The following CRYBG1 variants were observed in gnomAD, a reference collection of about 807,000 sequenced individuals.
The protein encoded by CRYBG1 is beta/gamma crystallin domain-containing protein 1.
A neutral mutation model predicts 189.2 loss-of-function variants in CRYBG1; 139 were observed. The ratio of observed to expected loss-of-function variants is 0.73; its 90% confidence interval spans 0.64 to 0.85. The LOEUF (loss-of-function observed/expected upper bound fraction) is 0.85. CRYBG1 is among the 40% of genes least tolerant of loss of function. The pLI is 0.00. For missense variants in CRYBG1, 2,611 were observed against 2,675.8 expected, an observed-to-expected ratio of 0.98 and a Z score of 0.53; for synonymous variants, 1,023 against 1,017.1, an observed-to-expected ratio of 1.01 and a Z score of -0.11.
In CRYBG1 at chr6:106,511,518, G is replaced by C; in HGVS notation, c.401G>C (p.Ser134Thr). 6.5e-7 allele frequency: 1 copy of C among 1,535,684 alleles called. No individual in the cohort carries two copies. Among genetic ancestry groups the C allele is most frequent in the Non-Finnish European group, 8.7e-7 (1 of 1,146,544 alleles). ...TTCACTGCAGGAAGGAGAAGAAACAGTAGAAACGGGTTAGAGAGTCCCACC... is the reference window on the plus strand; with the variant it reads ...TTCACTGCAGGAAGGAGAAGAAACACTAGAAACGGGTTAGAGAGTCCCACC... ...TLFTAGRRRN[S>T]RNGLESPTRS... The change falls in exon 3 of 22, where the codon AGT becomes ACT. Residue 134 changes from serine (S) to threonine (T), a missense_variant. Physicochemically the swap from Ser to Thr is moderately conservative, Grantham distance 58. Around this residue, in one of 3 missense-constraint regions of CRYBG1, gnomAD observed 985 missense variants for 924.4 expected, o/e 1.07. Transcript: ENST00000633556.
intron 1 of CRYBG1, among the ~76,000 whole-genome samples, chr6:106,371,363 C>G (rs905102861): frequency 2.0e-5 from 3 of 152,178 alleles, no homozygotes; most frequent in African/African-American, 7.2e-5. Flanking sequence ...TCATTACAAA[C>G]CTAAGAACTG....
intron 2 of CRYBG1, among the ~76,000 whole-genome samples, chr6:106,473,417 T>C (rs1277510173): frequency 1.3e-5 from 2 of 152,208 alleles, no homozygotes; most frequent in Non-Finnish European, 2.9e-5. Context: ...ATGCAGATAG[T>C]TACATATAGA....
chr6:106,407,346 T>C (rs1233027477), intron 1 of CRYBG1, among the ~76,000 whole-genome samples: 1 of 152,130 alleles, frequency 6.6e-6, no homozygotes, highest in Admixed American at 6.5e-5. Flanking sequence ...CTATCCTAAA[T>C]ATATATGCAC....
At chr6:106,459,951 C>A (rs1429002937) in intron 2 of CRYBG1, among the ~76,000 whole-genome samples, 1 of 152,138 alleles carries the variant, frequency 6.6e-6, no homozygotes, top group East Asian at 1.9e-4. Context: ...ATTTTGCCAA[C>A]CTGTTGGTAC....
chr6:106,495,570 T>C (rs1772828388), intron 2 of CRYBG1, among the ~76,000 whole-genome samples: 1 of 149,774 alleles, frequency 6.7e-6, no homozygotes, highest in Non-Finnish European at 1.5e-5. Context: ...TGTGAATATA[T>C]GGAATATAGT....
At chr6:106,544,763 A>C (rs920282075) in intron 12 of CRYBG1, 25 bp from the exon 13 acceptor site, 4 of 1,602,568 alleles carry the variant, frequency 2.5e-6, no homozygotes, top group Non-Finnish European at 2.5e-6. Flanking sequence ...CTAGCCTTTG[A>C]ATTTTGAATT....
chr6:106,528,045 A>G (rs1008223464), intron 7 of CRYBG1, among the ~76,000 whole-genome samples: 26 of 152,214 alleles, frequency 1.7e-4, no homozygotes, highest in East Asian at 1.9e-4. Context: ...TACCTTAAAA[A>G]TGCAATTAAT....
At position 106,541,133 on chromosome 6, in the gene CRYBG1, T is replaced by C. The variant is rs1774120357; in HGVS notation, c.4846-453T>C. ...GGGCCAGGCAGCAAATACAAATGGC[T>C]GAGAGTTAAACCGAAGGGAATGGTA... is the stretch of plus-strand genomic sequence containing the variant. On this transcript the variant is annotated intron_variant, in intron 9 of 21. Coordinates refer to ENST00000633556, the MANE Select transcript of CRYBG1 (RefSeq NM_001371242.2). 25 of 394,042 alleles carry C rather than the reference T, an allele frequency of 6.3e-5. 1 individual carries two copies. The highest frequency in any genetic ancestry group is 4.7e-4 in the South Asian group (25 of 52,926). The allele number at this position is 394,042 out of a possible 1,614,324, so 24.4% of individuals were successfully genotyped here. A position where few individuals can be genotyped will look rare whatever the true frequency, so the allele number is the denominator to read the frequency against.
rs375514874 is a variant in CRYBG1 at position 106,491,072 on chromosome 6, C to G, written c.313-20358C>G. ...AACTACAGGCTTGCTATATTTATTT[C>G]ATTCATTATGATAACCACAAAGCAT... On this transcript the variant is annotated intron_variant, in intron 2 of 21. Coordinates refer to ENST00000633556, the MANE Select transcript of CRYBG1 (RefSeq NM_001371242.2). 1.1e-4 allele frequency among the ~76,000 whole-genome samples: 17 copies of G among 152,318 alleles called. No individual in the cohort carries two copies. In the East Asian group the frequency reaches 3.3e-3, roughly 29 times the overall value.
intron 4 of CRYBG1, among the ~76,000 whole-genome samples, chr6:106,523,597 C>T (rs1241246951): frequency 6.6e-6 from 1 of 152,034 alleles, no homozygotes; most frequent in Non-Finnish European, 1.5e-5. Flanking sequence ...TATATTCAAT[C>T]ATGAAGGTTT....
chr6:106,473,541 T>C lies in CRYBG1; in HGVS notation c.312+21709T>C, dbSNP rs75837658. On this transcript the variant is annotated intron_variant, in intron 2 of 21. Transcript: ENST00000633556. ...TACTCTTAAAGAGAGAACCAGGCGATGGACACAACACAGTGAATCAAAAAG... is the reference window on the plus strand; with the variant it reads ...TACTCTTAAAGAGAGAACCAGGCGACGGACACAACACAGTGAATCAAAAAG... 9.2e-5 allele frequency among the ~76,000 whole-genome samples: 14 copies of C among 152,282 alleles called. No individual in the cohort carries two copies. In the South Asian group the frequency reaches 1.7e-3, roughly 18 times the overall value.
At chr6:106,460,971 G>A (rs1771998829) in intron 2 of CRYBG1, among the ~76,000 whole-genome samples, 1 of 152,104 alleles carries the variant, frequency 6.6e-6, no homozygotes, top group Non-Finnish European at 1.5e-5. Context: ...ATTTTCAGTA[G>A]AGACAGGGTT....
At chr6:106,434,186 G>C (rs1771409800) in intron 1 of CRYBG1, among the ~76,000 whole-genome samples, 1 of 151,884 alleles carries the variant, frequency 6.6e-6, no homozygotes, top group African/African-American at 2.4e-5. Context: ...GACAGAAAGA[G>C]AGAGAAAGAA....
chr6:106,508,155 A>T (rs2114518322), intron 2 of CRYBG1, among the ~76,000 whole-genome samples: 1 of 152,308 alleles, frequency 6.6e-6, no homozygotes, highest in South Asian at 2.1e-4. Flanking sequence ...AGGTGGAAGG[A>T]TCACTTGAGC....
chr6:106,366,000 C>T (rs1232042699), intron 1 of CRYBG1, among the ~76,000 whole-genome samples: 1 of 152,174 alleles, frequency 6.6e-6, no homozygotes, highest in Non-Finnish European at 1.5e-5. Flanking sequence ...GAGAAAACAA[C>T]TAACTCCCTG....
intron 20 of CRYBG1, 26 bp downstream of exon 20, chr6:106,561,526 C>G (rs576101429): frequency 2.4e-5 from 38 of 1,595,962 alleles, no homozygotes; most frequent in Non-Finnish European, 3.0e-5. Context: ...CCACGGGGGC[C>G]TGTGATGGCT....
intron 13 of CRYBG1, among the ~76,000 whole-genome samples, chr6:106,548,798 T>G (rs1180293607): frequency 1.1e-4 from 17 of 152,012 alleles, no homozygotes; most frequent in Non-Finnish European, 1.5e-5. Context: ...AACGTGCAGG[T>G]TAGTTACATA....
At chr6:106,535,240 ATCTC>A (rs1248809110) in intron 8 of CRYBG1, among the ~76,000 whole-genome samples, 3 of 152,264 alleles carry the variant, frequency 2.0e-5, no homozygotes, top group Admixed American at 6.5e-5. Flanking sequence ...TGATGGGTAC[ATCTC>A]TATGTATTTT....
rs1428690582 is a variant in CRYBG1 at position 106,571,797 on chromosome 6, A to G, written c.*3231A>G. On this transcript the variant is annotated 3_prime_UTR_variant, in exon 22 of 22. Transcript: ENST00000633556. ...CAGCTTGAAAAAACTTCGAATTTCT[A>G]CTGACTACAGACAAATCCAAGTGCT... The G allele has an allele frequency of 3.9e-6, 2 of 507,932 alleles. No individual in the cohort carries two copies. Among genetic ancestry groups the G allele is most frequent in the South Asian group, 2.7e-5 (1 of 36,382 alleles). 31.5% of individuals were successfully genotyped at this position (507,932 alleles called of 1,614,324 possible). A position where few individuals can be genotyped will look rare whatever the true frequency, so the allele number is the denominator to read the frequency against.
Sources: gnomAD v4.1 joint callset for allele counts (sites outside exome capture counted in the v4.1 genomes callset) on GRCh38, gnomAD v4.1.1 for gene constraint, gnomAD v4.1.1 regional missense constraint, MANE v1.5 for transcripts, NCBI Gene and HGNC (gene_info 2026-07-23, HGNC 2026-07-21) for gene names.